The following GPLD1 variants were observed in gnomAD, a reference collection of about 807,000 sequenced individuals.
The protein encoded by GPLD1 is phosphatidylinositol-glycan-specific phospholipase D.
In GPLD1, 84 loss-of-function variants were observed where a neutral mutation model predicts 112.6. That is an observed-to-expected ratio of 0.75 (90% CI 0.63 to 0.89). The LOEUF (loss-of-function observed/expected upper bound fraction) is 0.89. Ranked by LOEUF, GPLD1 falls within the 40% of genes least tolerant of loss-of-function variation. The probability of loss-of-function intolerance (pLI) is 0.00; values close to 1 mark genes in which losing one functional copy is unlikely to be tolerated. For synonymous variants in GPLD1, 386 were observed against 403.8 expected, an observed-to-expected ratio of 0.96 and a Z score of 0.53; for missense variants, 1,044 against 1,051.5, an observed-to-expected ratio of 0.99 and a Z score of 0.10.
intron 17 of GPLD1, among the ~76,000 whole-genome samples, chr6:24,447,399 G>T (rs1422605830): frequency 6.6e-6 from 1 of 152,118 alleles, no homozygotes; most frequent in Non-Finnish European, 1.5e-5. Flanking sequence ...CCCACCTGTA[G>T]TCCCAGCTAC....
At chr6:24,476,050 T>C (rs192457810) in intron 4 of GPLD1, 131 bp downstream of exon 4, 10 of 574,782 alleles carry the variant, frequency 1.7e-5, no homozygotes, top group African/African-American at 1.1e-4. Context: ...GTCCAAGCAA[T>C]GTGCATGACA....
Position 24,425,861 on chromosome 6 carries a change from G to GAGTT in GPLD1, c.*3167_*3170dup, listed in dbSNP as rs1303557445. On this transcript the variant is annotated 3_prime_UTR_variant, in exon 25 of 25. Transcript: ENST00000230036. ...ATATTAAAAAGCTATTTATTTTGGT[G>GAGTT]AGTTATTCCAAGAGTTGTATACAGC... 2.0e-5 allele frequency: 3 copies of GAGTT among 152,176 alleles called. No homozygotes were observed. The highest frequency in any genetic ancestry group is 4.4e-5 in the Non-Finnish European group (3 of 68,022). 9.4% of individuals were successfully genotyped at this position (152,176 alleles called of 1,614,324 possible). A position where few individuals can be genotyped will look rare whatever the true frequency, so the allele number is the denominator to read the frequency against.
rs1387319516 is a variant in GPLD1, at chr6:24,436,567, A to C, written c.2358+9T>G. 10 of 1,610,972 alleles carry C rather than the reference A, an allele frequency of 6.2e-6. No homozygotes were observed. Among genetic ancestry groups the C allele is most frequent in the Non-Finnish European group, 8.5e-6 (10 of 1,177,692 alleles). On this transcript the variant is annotated intron_variant, in intron 22 of 24. Coordinates refer to ENST00000230036, the MANE Select transcript of GPLD1 (RefSeq NM_001503.4). The stretch of plus-strand genomic sequence containing the variant: ...CCCAATAAGTTATAGAATTTTGTAG[A>C]ACACTTACCTTTTCTTCTGGACATG...
chr6:24,459,256 T>TGA (rs1763358919), intron 12 of GPLD1, among the ~76,000 whole-genome samples: 3 of 151,806 alleles, frequency 2.0e-5, no homozygotes, highest in African/African-American at 7.3e-5. Flanking sequence ...GCTATTTTTT[T>TGA]TTTGTTTTGT....
intron 7 of GPLD1, among the ~76,000 whole-genome samples, chr6:24,468,638 C>T (rs1199626855): frequency 1.3e-5 from 2 of 151,922 alleles, no homozygotes; most frequent in Non-Finnish European, 2.9e-5. Flanking sequence ...ACCGCAACCT[C>T]CGCCTTCCAA....
At chr6:24,484,698 C>T (rs1015466073) in intron 2 of GPLD1, among the ~76,000 whole-genome samples, 9 of 152,236 alleles carry the variant, frequency 5.9e-5, no homozygotes, top group East Asian at 3.8e-4. Context: ...GGCAGATTCT[C>T]GTTTCCACTC....
At chr6:24,480,110 T>G (rs1238498522) in intron 2 of GPLD1, 151 bp from the exon 3 acceptor site, 1 of 575,178 alleles carries the variant, frequency 1.7e-6, no homozygotes, top group Admixed American at 2.9e-5. Flanking sequence ...ATAAAGTAAA[T>G]AAATGATTAA....
At chr6:24,481,154 T>C (rs1358783272) in intron 2 of GPLD1, among the ~76,000 whole-genome samples, 2 of 152,198 alleles carry the variant, frequency 1.3e-5, no homozygotes. Context: ...CTGTGCATTA[T>C]TTTGGGAGTC....
At chr6:24,466,238 T>C (rs1209537304) in intron 10 of GPLD1, among the ~76,000 whole-genome samples, 9 of 152,218 alleles carry the variant, frequency 5.9e-5, no homozygotes, top group Non-Finnish European at 1.2e-4. Context: ...TCCCAGCTGA[T>C]TGGGAGGCTG....
downstream of GPLD1, chr6:24,425,069 G>C (rs535781395): frequency 6.6e-6 from 1 of 152,220 alleles, no homozygotes; most frequent in Non-Finnish European, 1.5e-5. Flanking sequence ...TCAGGAACAC[G>C]CGTCATGGTG....
At chr6:24,448,256 C>T in intron 15 of GPLD1, 48 bp from the exon 16 acceptor site, 2 of 1,261,618 alleles carry the variant, frequency 1.6e-6, no homozygotes, top group Non-Finnish European at 2.3e-6. Context: ...GGTGGTGACC[C>T]AAGAACCTTA....
At chr6:24,488,404 T>TC (rs1675050332) in intron 1 of GPLD1, among the ~76,000 whole-genome samples, 1 of 123,338 alleles carries the variant, frequency 8.1e-6, no homozygotes, top group Non-Finnish European at 1.6e-5. Context: ...AGAGCGAGAC[T>TC]CCGTCTCAAA....
At chr6:24,448,793 T>C (rs1162354323) in intron 15 of GPLD1, among the ~76,000 whole-genome samples, 4 of 152,142 alleles carry the variant, frequency 2.6e-5, no homozygotes, top group Non-Finnish European at 4.4e-5. Flanking sequence ...ACCACTTACC[T>C]GCCTGAGGAT....
In GPLD1 at chr6:24,475,350, G is replaced by A. The variant is rs1763974230; in HGVS notation, c.331-119C>T. The A allele has an allele frequency of 1.4e-5, 9 of 644,018 alleles. No individual in the cohort carries two copies. The South Asian group carries it at 1.7e-4, about 12-fold the overall frequency. 39.9% of individuals were successfully genotyped at this position (644,018 alleles called of 1,614,324 possible). On this transcript the variant is annotated intron_variant, in intron 4 of 24. Transcript: ENST00000230036. ...TACTGAGACCTAACAAAAAATTTCAGGCAAGTAAATTGCAGTTTCTAGTTA... is the reference window on the plus strand; with the variant it reads ...TACTGAGACCTAACAAAAAATTTCAAGCAAGTAAATTGCAGTTTCTAGTTA...
At chr6:24,439,220 T>C (rs1389231234) in intron 20 of GPLD1, among the ~76,000 whole-genome samples, 1 of 152,208 alleles carries the variant, frequency 6.6e-6, no homozygotes, top group East Asian at 1.9e-4. Context: ...GGCTTCTCCC[T>C]CTGGCTCTGC....
Position 24,470,149 on chromosome 6 carries a change from A to G in GPLD1, c.545+2433T>C, listed in dbSNP as rs542474109. Among the ~76,000 whole-genome samples, 7 of 150,742 alleles carry G rather than the reference A, an allele frequency of 4.6e-5. No homozygotes were observed. In the East Asian group the frequency reaches 1.4e-3, roughly 31 times the overall value. ...GGTTTTTTTTTTGTTTGTTTTTTTG[A>G]GATGGAGTTGGAGTCTCACCCTGTC... On this transcript the variant is annotated intron_variant, in intron 7 of 24. Transcript: ENST00000230036.
chr6:24,479,987 AG>A, intron 2 of GPLD1, 28 bp from the exon 3 acceptor site: 1 of 1,419,946 alleles, frequency 7.0e-7, no homozygotes, highest in Non-Finnish European at 1.0e-6. Context: ...ACAGAGATTA[AG>A]GGGCAGGAGT....
At chr6:24,481,179 G>A (rs1394964281) in intron 2 of GPLD1, among the ~76,000 whole-genome samples, 1 of 152,180 alleles carries the variant, frequency 6.6e-6, no homozygotes, top group Non-Finnish European at 1.5e-5. Context: ...CTGGACACCT[G>A]GCCTAGAGCC....
At chr6:24,430,064 G>T (rs793683) in intron 24 of GPLD1, among the ~76,000 whole-genome samples, 110,385 of 152,070 alleles carry the variant, frequency 0.73, 41,265 homozygotes, top group Non-Finnish European at 0.83. Context: ...TAAAATTTGT[G>T]GAGGTTGTAT....
Sources: allele counts gnomAD v4.1 joint callset (sites outside exome capture counted in the v4.1 genomes callset), GRCh38; gene constraint gnomAD v4.1.1; transcripts MANE v1.5; gene names NCBI Gene and HGNC (gene_info 2026-07-23, HGNC 2026-07-21).